Variants in SLC12A3 observed in about 807,000 individuals in gnomAD.
SLC12A3 encodes solute carrier family 12 member 3, also known as Na-Cl cotransporter.
In SLC12A3, 104 loss-of-function variants were observed where a neutral mutation model predicts 121.0. The observed-to-expected ratio is 0.86, with a 90% CI of 0.73 to 1.01. SLC12A3 has a LOEUF of 1.01. SLC12A3 is among the 50% of genes least tolerant of loss of function. The probability of loss-of-function intolerance (pLI) is 0.00; values close to 1 mark genes in which losing one functional copy is unlikely to be tolerated. For synonymous variants in SLC12A3, 536 were observed against 533.4 expected, an observed-to-expected ratio of 1.00 and a Z score of -0.07; for missense variants, 1,328 against 1,356.3, an observed-to-expected ratio of 0.98 and a Z score of 0.33.
intron 8 of SLC12A3, 106 bp downstream of exon 8, chr16:56,872,892 G>C: frequency 6.8e-7 from 1 of 1,467,884 alleles, no homozygotes; most frequent in South Asian, 1.1e-5. Flanking sequence ...GGGAGGCAGG[G>C]CTTCTAAAAT....
chr16:56,883,304 G>C (rs1243071629), intron 13 of SLC12A3, among the ~76,000 whole-genome samples: 1 of 131,582 alleles, frequency 7.6e-6, no homozygotes, highest in East Asian at 2.2e-4. Flanking sequence ...TTTTTGAGAC[G>C]GAGTCTGGCT....
At chr16:56,875,819 A>G (rs371922643) in intron 8 of SLC12A3, among the ~76,000 whole-genome samples, 4 of 139,794 alleles carry the variant, frequency 2.9e-5, no homozygotes, top group Non-Finnish European at 6.3e-5. Flanking sequence ...TCTCAGAGTT[A>G]GGCACATCCA....
intron 19 of SLC12A3, among the ~76,000 whole-genome samples, chr16:56,890,758 G>A (rs1596929605): frequency 6.6e-6 from 1 of 152,124 alleles, no homozygotes; most frequent in East Asian, 1.9e-4. Context: ...AATTAGCTGG[G>A]TGTAAGGGTG....
At position 56,908,158 on chromosome 16, in the gene SLC12A3, T is replaced by G. The variant is rs565637903; in HGVS notation, c.2924+3696T>G. The stretch of plus-strand genomic sequence containing the variant: ...TGTATTCATTTCTCAGATAGTGATA[T>G]AACTTTTTTTTTTTTTTTTTTTGAG... On this transcript the variant is annotated intron_variant, in intron 25 of 25. Transcript: ENST00000563236. 3.8e-5 allele frequency among the ~76,000 whole-genome samples: 5 copies of G among 131,426 alleles called. No homozygotes were observed. In the East Asian group the frequency reaches 1.0e-3, roughly 28 times the overall value. 86.2% of individuals were successfully genotyped at this position (131,426 alleles called of 152,430 possible). A position where few individuals can be genotyped will look rare whatever the true frequency, so the allele number is the denominator to read the frequency against.
intron 21 of SLC12A3, 55 bp downstream of exon 21, chr16:56,893,109 G>T: frequency 7.0e-7 from 1 of 1,429,438 alleles, no homozygotes; most frequent in Non-Finnish European, 9.7e-7. Context: ...GGTGGTGGTG[G>T]TCTTCCTTCC....
At position 56,867,153 on chromosome 16, in the gene SLC12A3, A is replaced by G. The variant is rs2304479; in HGVS notation, c.366A>G (p.Ala122=). 106,982 of 1,613,832 alleles carry G rather than the reference A, an allele frequency of 0.066. 5,515 individuals are homozygous for G. The highest frequency in any genetic ancestry group is 0.25 in the East Asian group (11,021 of 44,842). The change falls in exon 2 of 26, where the codon GCA becomes GCG. Residue 122 remains alanine, a synonymous_variant. Transcript: ENST00000563236. ...CTGATGGGCTGGTGGAGGGCGAGGC[A>G]GGCACCAGCAGCGAGAAGAACCCCG... is the stretch of plus-strand genomic sequence containing the variant. ...EMTDGLVEGE[A]GTSSEKNPEE...
At chr16:56,901,713 T>G (rs1278816221) in intron 23 of SLC12A3, among the ~76,000 whole-genome samples, 1 of 152,158 alleles carries the variant, frequency 6.6e-6, no homozygotes, top group African/African-American at 2.4e-5. Flanking sequence ...CTGGTCTCAC[T>G]TGGGGCAGAT....
chr16:56,902,723 G>A (rs1228483652), intron 24 of SLC12A3, among the ~76,000 whole-genome samples: 1 of 152,122 alleles, frequency 6.6e-6, no homozygotes, highest in Non-Finnish European at 1.5e-5. Flanking sequence ...TGGTCCTCCT[G>A]CCCATCTTGA....
At chr16:56,898,384 G>C (rs1238158310) in intron 22 of SLC12A3, among the ~76,000 whole-genome samples, 2 of 151,896 alleles carry the variant, frequency 1.3e-5, no homozygotes, top group African/African-American at 2.4e-5. Context: ...TCAGCCTCCC[G>C]AGTAGCTGGG....
At position 56,879,650 on chromosome 16, in the gene SLC12A3, G is replaced by A. The variant is rs2055211978; in HGVS notation, c.1443+1G>A. ...TGTCTCTGCTGCCAAAGTCTTCCAG[G>A]TGAGGCCGCAGAAAGGGGTCGAGAT... On this transcript the variant is annotated splice_donor_variant, in intron 11 of 25. Transcript: ENST00000563236. LOFTEE classifies it high-confidence loss of function. The A allele has an allele frequency of 6.2e-7, 1 of 1,610,174 alleles. No homozygotes were observed.
At chr16:56,911,809 G>A (rs1225978327) in intron 25 of SLC12A3, among the ~76,000 whole-genome samples, 2 of 152,216 alleles carry the variant, frequency 1.3e-5, no homozygotes, top group South Asian at 2.1e-4. Context: ...CTTTGCCGCC[G>A]CTGGCTTAGC....
rs1383449467 is a variant in SLC12A3 at position 56,887,047 on chromosome 16, A to G, written c.2132A>G (p.Asp711Gly). Residue 711 changes from aspartate to glycine, a missense_variant, in exon 17 of 26, where the codon GAT becomes GGT. Coordinates refer to ENST00000563236, the MANE Select transcript of SLC12A3 (RefSeq NM_001126108.2). ...NKRKIKAFYSDVIAEDLRRGV... is the reference protein window; with the variant it reads ...NKRKIKAFYSGVIAEDLRRGV... Reference sequence around the variant, plus strand: ...AGGAAGATCAAGGCCTTCTACTCGGATGTCATTGCCGAGGACCTCCGCAGA... The same window carrying G: ...AGGAAGATCAAGGCCTTCTACTCGGGTGTCATTGCCGAGGACCTCCGCAGA... The G allele has an allele frequency of 6.2e-7, 1 of 1,613,842 alleles. No individual in the cohort carries two copies. The highest frequency in any genetic ancestry group is 1.7e-5 in the Admixed American group (1 of 60,000).
chr16:56,905,125 AG>A (rs1409067442), intron 25 of SLC12A3, among the ~76,000 whole-genome samples: 2 of 152,118 alleles, frequency 1.3e-5, no homozygotes, highest in African/African-American at 4.8e-5. Flanking sequence ...AGATCACCTG[AG>A]GTCGGGAGGT....
intron 10 of SLC12A3, 89 bp downstream of exon 10, chr16:56,879,316 G>C (rs1397168798): frequency 6.4e-7 from 1 of 1,558,050 alleles, no homozygotes; most frequent in African/African-American, 1.4e-5. Flanking sequence ...TTGTTGGGGG[G>C]ACATAGTTTT....
rs575248146 is a variant in SLC12A3, at chr16:56,909,276, T to G, written c.2925-3988T>G. 2.9e-3 allele frequency among the ~76,000 whole-genome samples: 416 copies of G among 142,714 alleles called. 1 individual carries two copies. Among genetic ancestry groups the G allele is most frequent in the Admixed American group, 6.4e-3 (90 of 14,056 alleles). The allele number at this position is 142,714 out of a possible 152,430, so 93.6% of individuals were successfully genotyped here. ...GAGTTGGAGAACAGCCTGGGCAACA[T>G]AGTGAGACCCTGTCACTACCAAAAG... On this transcript the variant is annotated intron_variant, in intron 25 of 25. Transcript: ENST00000563236.
At position 56,915,632 on chromosome 16, in the gene SLC12A3, G is replaced by A. The variant is rs1045720418; in HGVS notation, c.*2227G>A. On this transcript the variant is annotated 3_prime_UTR_variant, in exon 26 of 26. Coordinates refer to ENST00000563236, the MANE Select transcript of SLC12A3 (RefSeq NM_001126108.2). Reference sequence around the variant, plus strand: ...ATCAGGGAATGCTGGCCTTTCTAGAGCCACGTAGAAAACAATTTTCTGGTT... The same window carrying A: ...ATCAGGGAATGCTGGCCTTTCTAGAACCACGTAGAAAACAATTTTCTGGTT... The A allele has an allele frequency of 1.3e-5, 2 of 152,180 alleles. No individual in the cohort carries two copies. The highest frequency in any genetic ancestry group is 2.4e-5 in the African/African-American group (1 of 41,440). The allele number at this position is 152,180 out of a possible 1,614,324, so 9.4% of individuals were successfully genotyped here. A position where few individuals can be genotyped will look rare whatever the true frequency, so the allele number is the denominator to read the frequency against.
In SLC12A3 at chr16:56,914,227, C is replaced by A. The variant is rs1421414487; in HGVS notation, c.*822C>A. The A allele has an allele frequency of 6.6e-6, 1 of 152,190 alleles. No homozygotes were observed. The highest frequency in any genetic ancestry group is 1.5e-5 in the Non-Finnish European group (1 of 68,040). The allele number at this position is 152,190 out of a possible 1,614,324, so 9.4% of individuals were successfully genotyped here. On this transcript the variant is annotated 3_prime_UTR_variant, in exon 26 of 26. Coordinates refer to ENST00000563236, the MANE Select transcript of SLC12A3 (RefSeq NM_001126108.2). The stretch of plus-strand genomic sequence containing the variant: ...CCCGGCCCAGGCAAATTTCTTGAAC[C>A]ACTTCTCACTCCCGTCACTTTCAAT...
At chr16:56,881,527 C>G (rs1055352227) in intron 12 of SLC12A3, among the ~76,000 whole-genome samples, 2 of 152,066 alleles carry the variant, frequency 1.3e-5, no homozygotes, top group South Asian at 4.1e-4. Flanking sequence ...TACATGAAAT[C>G]ATGGACAGAG....
In SLC12A3 at chr16:56,886,423, T is replaced by C; in HGVS notation, c.1985T>C (p.Val662Ala). The change falls in exon 16 of 26, where the codon GTG becomes GCG. Residue 662 changes from valine (V) to alanine (A), a missense_variant. Coordinates refer to ENST00000563236, the MANE Select transcript of SLC12A3 (RefSeq NM_001126108.2). ...PNFRPALVDF[V>A]GTFTRNLSLM... ...TTCCGCCCGGCCCTGGTGGACTTTGTGGGCACCTTCACCCGGAACCTCAGC... is the reference window on the plus strand; with the variant it reads ...TTCCGCCCGGCCCTGGTGGACTTTGCGGGCACCTTCACCCGGAACCTCAGC... 6.2e-7 allele frequency: 1 copy of C among 1,614,100 alleles called. No homozygotes were observed. The highest frequency in any genetic ancestry group is 8.5e-7 in the Non-Finnish European group (1 of 1,180,026).
Sources: gnomAD v4.1 joint callset for allele counts (sites outside exome capture counted in the v4.1 genomes callset) on GRCh38, gnomAD v4.1.1 for gene constraint, MANE v1.5 for transcripts, NCBI Gene and HGNC (gene_info 2026-07-23, HGNC 2026-07-21) for gene names.